The following CDCP1 variants were observed in gnomAD, a reference collection of about 807,000 sequenced individuals.
The protein encoded by CDCP1 is CUB domain-containing protein 1.
A neutral mutation model predicts 60.2 loss-of-function variants in CDCP1; 29 were observed. That is an observed-to-expected ratio of 0.48 (90% confidence interval 0.36 to 0.66). The LOEUF (loss-of-function observed/expected upper bound fraction) is 0.66. Among genes scored for constraint, CDCP1 ranks in the 30% least tolerant of loss-of-function variants. CDCP1 has a pLI of 0.00. For synonymous variants in CDCP1, 387 were observed against 431.1 expected (o/e 0.90, Z 1.27); for missense variants, 876 against 1,074.3 (o/e 0.82, Z 2.58).
intron 5 of CDCP1, among the ~76,000 whole-genome samples, chr3:45,093,977 G>A (rs1049020906): frequency 3.3e-5 from 5 of 152,124 alleles, no homozygotes; most frequent in African/African-American, 1.2e-4. Context: ...GTGTCATGGG[G>A]CAGGGCACAG....
chr3:45,146,231 A>T lies in CDCP1; in HGVS notation c.57T>A (p.Gly19=). The T allele has an allele frequency of 6.3e-6, 10 of 1,596,692 alleles. No homozygotes were observed. Among genetic ancestry groups the T allele is most frequent in the Non-Finnish European group, 8.5e-6 (10 of 1,173,872 alleles). ...SIALLGVLLL[G]AARLPRGAEA... The stretch of plus-strand genomic sequence containing the variant: ...CTGCCCCGCGCGGCAGGCGCGCCGC[A>T]CCCAGCAGCAGAACCCCTAGCAGTG... The change falls in exon 1 of 9, where the codon GGT becomes GGA. Residue 19 remains glycine (G), a synonymous_variant. Coordinates refer to ENST00000296129, the MANE Select transcript of CDCP1 (RefSeq NM_022842.5).
At chr3:45,137,737 C>T (rs576236394) in intron 1 of CDCP1, among the ~76,000 whole-genome samples, 17 of 149,348 alleles carry the variant, frequency 1.1e-4, no homozygotes, top group South Asian at 4.3e-4. Flanking sequence ...GCAGAATTGC[C>T]GGAACCTGGG....
chr3:45,107,990 C>T (rs746993977), intron 4 of CDCP1, among the ~76,000 whole-genome samples: 3 of 151,834 alleles, frequency 2.0e-5, no homozygotes, highest in Admixed American at 6.6e-5. Context: ...TGGTGGCAGG[C>T]GCCTGTAATC....
At chr3:45,120,022 C>G (rs2126001020) in intron 1 of CDCP1, among the ~76,000 whole-genome samples, 1 of 152,318 alleles carries the variant, frequency 6.6e-6, no homozygotes, top group Non-Finnish European at 1.5e-5. Context: ...TAGTTTCCTC[C>G]TTTTTATTGC....
At chr3:45,097,007 A>G (rs1698410825) in intron 4 of CDCP1, among the ~76,000 whole-genome samples, 1 of 152,156 alleles carries the variant, frequency 6.6e-6, no homozygotes, top group South Asian at 2.1e-4. Context: ...TAATTTTGCC[A>G]TTAGAAATAA....
At chr3:45,129,347 G>A (rs767095410) in intron 1 of CDCP1, among the ~76,000 whole-genome samples, 1 of 152,180 alleles carries the variant, frequency 6.6e-6, no homozygotes, top group South Asian at 2.1e-4. Flanking sequence ...GAATCACACC[G>A]TATCGGTGAA....
intron 4 of CDCP1, among the ~76,000 whole-genome samples, chr3:45,098,051 C>T (rs1447889232): frequency 1.3e-5 from 2 of 152,104 alleles, no homozygotes; most frequent in Non-Finnish European, 2.9e-5. Flanking sequence ...GTGTTAGAAG[C>T]CCCTCTGCTT....
chr3:45,146,456 C>CCCTCCTCTCTCT (rs1699394894), upstream of CDCP1: 1 of 520,920 alleles, frequency 1.9e-6, no homozygotes, highest in Non-Finnish European at 3.3e-6. Flanking sequence ...CCCGGTGCGT[C>CCCTCCTCTCTCT]CCTCCTCTCT....
At chr3:45,113,028 G>A (rs1173329533) in intron 2 of CDCP1, among the ~76,000 whole-genome samples, 7 of 152,148 alleles carry the variant, frequency 4.6e-5, no homozygotes, top group Admixed American at 4.6e-4. Flanking sequence ...TTAAGTTCCT[G>A]GGGTCCAGTG....
chr3:45,090,148 T>C (rs1168213385), intron 7 of CDCP1, among the ~76,000 whole-genome samples: 1 of 152,078 alleles, frequency 6.6e-6, no homozygotes, highest in East Asian at 1.9e-4. Context: ...CCACCAGTTC[T>C]CTTGAGGCTA....
chr3:45,131,212 A>G (rs1015525500), intron 1 of CDCP1, among the ~76,000 whole-genome samples: 1 of 151,938 alleles, frequency 6.6e-6, no homozygotes, highest in African/African-American at 2.4e-5. Context: ...AAAAAAAAAA[A>G]CCCAACTCAA....
chr3:45,126,108 C>CTCTTTCTTTCCTTCCT (rs1553610966), intron 1 of CDCP1, among the ~76,000 whole-genome samples: 19 of 110,082 alleles, frequency 1.7e-4, no homozygotes, highest in South Asian at 6.7e-4. Flanking sequence ...TTGTCTCTCT[C>CTCTTTCTTTCCTTCCT]TCTTTCTTTC....
chr3:45,138,143 A>T (rs1699221067), intron 1 of CDCP1, among the ~76,000 whole-genome samples: 1 of 152,242 alleles, frequency 6.6e-6, no homozygotes, highest in Non-Finnish European at 1.5e-5. Flanking sequence ...AAACTGGTCC[A>T]GTCAGTTCCT....
rs1698125895 is a variant in CDCP1 at position 45,082,804 on chromosome 3, CAGT to C, written c.*2831_*2833del. On this transcript the variant is annotated 3_prime_UTR_variant, in exon 9 of 9. Transcript: ENST00000296129. ...CGTGGATGAGCAGTGGGCTGGCATGCAGTAGGCTTCAACAAATGGCACTTCACT... is the reference window on the plus strand; with the variant it reads ...CGTGGATGAGCAGTGGGCTGGCATGCAGGCTTCAACAAATGGCACTTCACT... The C allele has an allele frequency of 6.6e-6, 1 of 152,236 alleles. No homozygotes were observed. Among genetic ancestry groups the C allele is most frequent in the African/African-American group, 2.4e-5 (1 of 41,454 alleles). 9.4% of individuals were successfully genotyped at this position (152,236 alleles called of 1,614,324 possible).
chr3:45,146,118 T>TCCGCACCCA, intron 1 of CDCP1, 88 bp downstream of exon 1: 2 of 1,244,614 alleles, frequency 1.6e-6, no homozygotes, highest in Non-Finnish European at 2.2e-6. Flanking sequence ...CTCCGCACCC[T>TCCGCACCCA]GCGTCCCTCG....
At chr3:45,102,340 G>A (rs984167636) in intron 4 of CDCP1, among the ~76,000 whole-genome samples, 3 of 152,172 alleles carry the variant, frequency 2.0e-5, no homozygotes, top group African/African-American at 7.2e-5. Flanking sequence ...AAAGTGCTGG[G>A]ATTACAGGCA....
chr3:45,110,459 T>C lies in CDCP1; in HGVS notation c.1024+14A>G, dbSNP rs537759429. On this transcript the variant is annotated intron_variant, in intron 4 of 8. Coordinates refer to ENST00000296129, the MANE Select transcript of CDCP1 (RefSeq NM_022842.5). ...GCTGGAGGAGGAAGAAAAAGGAAAG[T>C]GGGGCTCACTCACTGCTTTCATTTT... 606 of 1,611,988 alleles carry C rather than the reference T, an allele frequency of 3.8e-4. 3 individuals carry two copies. The South Asian group carries it at 6.3e-3, about 17-fold the overall frequency.
In CDCP1 at chr3:45,084,985, T is replaced by A. The variant is rs1278312023; in HGVS notation, c.*653A>T. ...GAAGTCTCTTATCAAAGCAGATATG[T>A]GTCAATGCTGCTCAAACACACACAT... On this transcript the variant is annotated 3_prime_UTR_variant, in exon 9 of 9. Coordinates refer to ENST00000296129, the MANE Select transcript of CDCP1 (RefSeq NM_022842.5). The A allele has an allele frequency of 2.6e-5, 4 of 152,674 alleles. No individual in the cohort carries two copies. The highest frequency in any genetic ancestry group is 9.6e-5 in the African/African-American group (4 of 41,466). The allele number at this position is 152,674 out of a possible 1,614,324, so 9.5% of individuals were successfully genotyped here.
At chr3:45,094,188 G>T (rs150422307) in intron 5 of CDCP1, among the ~76,000 whole-genome samples, 2 of 151,984 alleles carry the variant, frequency 1.3e-5, no homozygotes, top group African/African-American at 2.4e-5. Flanking sequence ...TGGTAGCCCA[G>T]CAAGGAGGTG....
Sources: gnomAD v4.1 joint callset for allele counts (sites outside exome capture counted in the v4.1 genomes callset) on GRCh38, gnomAD v4.1.1 for gene constraint, MANE v1.5 for transcripts, NCBI Gene and HGNC (gene_info 2026-07-23, HGNC 2026-07-21) for gene names.